Variants in MIGA1 observed in about 807,000 individuals in gnomAD.
MIGA1 encodes the protein family with sequence similarity 73, member A.
In MIGA1, 58 loss-of-function variants were observed where a neutral mutation model predicts 82.0. The ratio of observed to expected loss-of-function variants is 0.71; its 90% CI spans 0.57 to 0.88. MIGA1 has a LOEUF of 0.88. MIGA1 is among the 40% of genes least tolerant of loss of function. MIGA1 has a pLI of 0.00. For missense variants in MIGA1, 751 were observed against 749.1 expected (o/e 1.00, Z -0.03); for synonymous variants, 249 against 253.6 (o/e 0.98, Z 0.17).
chr1:77,866,411 G>T lies in MIGA1; in HGVS notation c.1563+20G>T. 1 of 1,609,960 alleles carries T rather than the reference G, an allele frequency of 6.2e-7. No individual in the cohort carries two copies. On this transcript the variant is annotated intron_variant, in intron 14 of 15. Coordinates refer to ENST00000370791, the MANE Select transcript of MIGA1 (RefSeq NM_198549.4). ...ATGAAGGTAAAATTCGTTATGTCCT[G>T]AATTCCTTTGTTAAATCATTTAAGG...
chr1:77,836,303 A>G (rs1260132719), intron 7 of MIGA1, among the ~76,000 whole-genome samples: 1 of 152,244 alleles, frequency 6.6e-6, no homozygotes, highest in Non-Finnish European at 1.5e-5. Context: ...AATAAGTAAC[A>G]GAGTCAGTAT....
chr1:77,847,138 A>G (rs961721458), intron 8 of MIGA1: 5 of 1,117,254 alleles, frequency 4.5e-6, no homozygotes, highest in Non-Finnish European at 5.5e-6. Flanking sequence ...GTATGGGTTT[A>G]TTTTGCCAAA....
chr1:77,857,029 C>G (rs749199735), intron 8 of MIGA1, among the ~76,000 whole-genome samples: 4 of 152,124 alleles, frequency 2.6e-5, no homozygotes, highest in Admixed American at 6.6e-5. Flanking sequence ...GAACTTTCCT[C>G]TTAGTACCAC....
intron 8 of MIGA1, chr1:77,848,527 C>G: frequency 7.9e-7 from 1 of 1,265,144 alleles, no homozygotes; most frequent in Non-Finnish European, 1.1e-6. Context: ...GAATAAATTT[C>G]TTGACCAAGA....
At chr1:77,825,394 G>A (rs914568588) in intron 7 of MIGA1, among the ~76,000 whole-genome samples, 4 of 152,164 alleles carry the variant, frequency 2.6e-5, no homozygotes, top group African/African-American at 7.2e-5. Context: ...AAATGAAAAC[G>A]TTTTCCTTAT....
At chr1:77,813,045 A>G (rs1042731028) in intron 5 of MIGA1, among the ~76,000 whole-genome samples, 3 of 152,026 alleles carry the variant, frequency 2.0e-5, no homozygotes, top group Non-Finnish European at 4.4e-5. Context: ...CAGTGGTGCA[A>G]TCTCGGCTCA....
At chr1:77,859,528 T>C in intron 10 of MIGA1, 142 bp downstream of exon 10, 3 of 597,394 alleles carry the variant, frequency 5.0e-6, no homozygotes, top group Non-Finnish European at 8.9e-6. Flanking sequence ...ACTAAACTTA[T>C]TTTTCCTCCC....
intron 8 of MIGA1, chr1:77,847,824 A>G (rs753769571): frequency 5.0e-6 from 8 of 1,606,154 alleles, no homozygotes; most frequent in Non-Finnish European, 6.8e-6. Context: ...ACCACAAGAG[A>G]AATGCATTCT....
At chr1:77,783,206 G>A in intron 1 of MIGA1, 32 bp from the exon 2 acceptor site, 1 of 1,423,546 alleles carries the variant, frequency 7.0e-7, no homozygotes, top group South Asian at 1.3e-5. Context: ...AAATCTTTGT[G>A]GCTAATTTTT....
intron 7 of MIGA1, among the ~76,000 whole-genome samples, chr1:77,838,652 T>G (rs1226935111): frequency 6.6e-6 from 1 of 152,182 alleles, no homozygotes; most frequent in Non-Finnish European, 1.5e-5. Flanking sequence ...TTCGCCATGT[T>G]GGCCAGGCTG....
chr1:77,794,070 T>C (rs1291547349), intron 2 of MIGA1, among the ~76,000 whole-genome samples: 1 of 152,154 alleles, frequency 6.6e-6, no homozygotes, highest in Non-Finnish European at 1.5e-5. Flanking sequence ...ATTACAGCCA[T>C]GAGCCACCGC....
At chr1:77,866,548 GCTT>G (rs1406632097) in intron 14 of MIGA1, among the ~76,000 whole-genome samples, 157 bp downstream of exon 14, 2 of 152,084 alleles carry the variant, frequency 1.3e-5, no homozygotes, top group Non-Finnish European at 2.9e-5. Context: ...TAGTGGGTTG[GCTT>G]CTTTTTTGAA....
intron 8 of MIGA1, among the ~76,000 whole-genome samples, chr1:77,849,086 T>C (rs1215397225): frequency 6.6e-6 from 1 of 152,188 alleles, no homozygotes; most frequent in Non-Finnish European, 1.5e-5. Flanking sequence ...TGAGGAAAAT[T>C]GGCTCCACTA....
At chr1:77,784,662 A>T (rs571991225) in intron 2 of MIGA1, among the ~76,000 whole-genome samples, 2 of 152,100 alleles carry the variant, frequency 1.3e-5, no homozygotes, top group Non-Finnish European at 2.9e-5. Flanking sequence ...GTTATTTTCT[A>T]TTTCATTGAT....
At position 77,791,856 on chromosome 1, in the gene MIGA1, G is replaced by A. The variant is rs367734470; in HGVS notation, c.195+8505G>A. On this transcript the variant is annotated intron_variant, in intron 2 of 15. Coordinates refer to ENST00000370791, the MANE Select transcript of MIGA1 (RefSeq NM_198549.4). ...TGGGATTACAGGCATGAGCCACTGC[G>A]CCTGGCCCAATACTTAGTTTTTAAA... is the stretch of plus-strand genomic sequence containing the variant. Among the ~76,000 whole-genome samples the A allele has an allele frequency of 7.2e-5, 11 of 152,198 alleles. No individual in the cohort carries two copies. In the East Asian group the frequency reaches 1.2e-3, roughly 16 times the overall value.
At chr1:77,823,016 T>A (rs1683885455) in intron 7 of MIGA1, among the ~76,000 whole-genome samples, 1 of 151,988 alleles carries the variant, frequency 6.6e-6, no homozygotes, top group African/African-American at 2.4e-5. Flanking sequence ...CTAATTTTTG[T>A]ATTTTTAGTA....
chr1:77,843,531 A>G, intron 8 of MIGA1, 124 bp downstream of exon 8: 2 of 670,264 alleles, frequency 3.0e-6, no homozygotes, highest in Admixed American at 2.7e-5. Flanking sequence ...GGTAGGTGCC[A>G]GGATACAAAA....
chr1:77,824,542 T>C (rs772791298), intron 7 of MIGA1, among the ~76,000 whole-genome samples: 2 of 152,218 alleles, frequency 1.3e-5, no homozygotes, highest in Non-Finnish European at 2.9e-5. Flanking sequence ...TGAGAAACAG[T>C]GAGACTCAGT....
intron 8 of MIGA1, among the ~76,000 whole-genome samples, chr1:77,844,444 A>G (rs1684763930): frequency 6.6e-6 from 1 of 152,082 alleles, no homozygotes; most frequent in Non-Finnish European, 1.5e-5. Flanking sequence ...AAAAAAGGCT[A>G]ACCATAAATA....
Sources: gnomAD v4.1 joint callset for allele counts (sites outside exome capture counted in the v4.1 genomes callset) on GRCh38, gnomAD v4.1.1 for gene constraint, MANE v1.5 for transcripts, NCBI Gene and HGNC (gene_info 2026-07-23, HGNC 2026-07-21) for gene names.